FAXC: variants seen among roughly 807,000 people sequenced by gnomAD.
FAXC encodes the protein failed axon connections homolog.
A neutral mutation model predicts 41.9 loss-of-function variants in FAXC; 10 were observed. The ratio of observed to expected loss-of-function variants is 0.24; its 90% CI spans 0.15 to 0.41. The LOEUF (loss-of-function observed/expected upper bound fraction) is 0.41, where lower values mean the gene tolerates loss of function less well. Among genes scored for constraint, FAXC ranks in the 10% least tolerant of loss-of-function variants. The pLI, the probability that FAXC is intolerant of heterozygous loss-of-function variation, is 1.00. For synonymous variants in FAXC, 183 were observed against 183.8 expected (o/e 1.00, Z 0.03); for missense variants, 399 against 510.9 (o/e 0.78, Z 2.11).
chr6:99,293,522 A>C (rs1485507174), intron 4 of FAXC, among the ~76,000 whole-genome samples: 1 of 152,218 alleles, frequency 6.6e-6, no homozygotes, highest in Non-Finnish European at 1.5e-5. Context: ...TAGGACTTTA[A>C]GGCATTTAAT....
At chr6:99,344,979 A>T (rs1773543392) in intron 1 of FAXC, among the ~76,000 whole-genome samples, 1 of 152,188 alleles carries the variant, frequency 6.6e-6, no homozygotes, top group South Asian at 2.1e-4. Context: ...TTTAATTCTG[A>T]CAATGACACT....
Position 99,273,863 on chromosome 6 carries a change from A to G in FAXC, c.*7301T>C, listed in dbSNP as rs1313009719. On this transcript the variant is annotated 3_prime_UTR_variant, in exon 6 of 6. Coordinates refer to ENST00000389677, the MANE Select transcript of FAXC (RefSeq NM_032511.4). ...TGTTTACATCAGTAAAACAGTATATACATATATAGCAGTGTATACATATAT... is the reference window on the plus strand; with the variant it reads ...TGTTTACATCAGTAAAACAGTATATGCATATATAGCAGTGTATACATATAT... 3 of 152,280 alleles carry G rather than the reference A, an allele frequency of 2.0e-5. No individual in the cohort carries two copies. Among genetic ancestry groups the G allele is most frequent in the South Asian group, 4.1e-4 (2 of 4,824 alleles). 9.4% of individuals were successfully genotyped at this position (152,280 alleles called of 1,614,324 possible).
chr6:99,349,003 G>A, intron 1 of FAXC, 104 bp downstream of exon 1: 2 of 1,143,390 alleles, frequency 1.7e-6, no homozygotes, highest in Non-Finnish European at 2.5e-6. Context: ...TTGGGCATCT[G>A]GGCAGCTTGA....
At chr6:99,281,577 G>T in intron 5 of FAXC, 124 bp from the exon 6 acceptor site, 2 of 798,674 alleles carry the variant, frequency 2.5e-6, no homozygotes, top group Non-Finnish European at 4.1e-6. Context: ...GTCTAAGGAG[G>T]TGGGGCCTTT....
intron 2 of FAXC, among the ~76,000 whole-genome samples, chr6:99,337,467 AG>A (rs1245264637): frequency 3.3e-5 from 5 of 152,226 alleles, no homozygotes; most frequent in Non-Finnish European, 7.3e-5. Context: ...AAGAAATGTA[AG>A]GAAGAAAAGC....
rs765293537 is a variant in FAXC at position 99,326,022 on chromosome 6, G to C, written c.600-2355C>G. On this transcript the variant is annotated intron_variant, in intron 3 of 5. Coordinates refer to ENST00000389677, the MANE Select transcript of FAXC (RefSeq NM_032511.4). ...TGCCTGACGAACTGCAAGAACTTCT[G>C]TAAGGGGCACGTGGGTACAGGCTGC... Among the ~76,000 whole-genome samples the C allele has an allele frequency of 7.2e-5, 11 of 152,366 alleles. 1 individual carries two copies. In the Middle Eastern group the frequency reaches 0.027, roughly 377 times the overall value.
chr6:99,326,734 A>T (rs944883958), intron 3 of FAXC, among the ~76,000 whole-genome samples: 1 of 152,190 alleles, frequency 6.6e-6, no homozygotes, highest in Admixed American at 6.5e-5. Flanking sequence ...GGCAGCTTGG[A>T]GAGAAGTAGG....
At chr6:99,335,886 G>A (rs759433958) in intron 2 of FAXC, among the ~76,000 whole-genome samples, 15 of 151,916 alleles carry the variant, frequency 9.9e-5, no homozygotes, top group Non-Finnish European at 1.9e-4. Context: ...TGATTGCTAG[G>A]TAAAAAGCAA....
chr6:99,281,485 T>A, intron 5 of FAXC, 32 bp from the exon 6 acceptor site: 1 of 1,537,414 alleles, frequency 6.5e-7, no homozygotes, highest in Non-Finnish European at 8.9e-7. Flanking sequence ...AAGGATTAGT[T>A]CTCAAAGGCA....
chr6:99,324,242 T>C (rs1326972813), intron 3 of FAXC, among the ~76,000 whole-genome samples: 1 of 152,068 alleles, frequency 6.6e-6, no homozygotes, highest in East Asian at 1.9e-4. Context: ...TTTCCCTTTT[T>C]AAAAAAAGAT....
At position 99,274,891 on chromosome 6, in the gene FAXC, T is replaced by C. The variant is rs1024252817; in HGVS notation, c.*6273A>G. On this transcript the variant is annotated 3_prime_UTR_variant, in exon 6 of 6. Transcript: ENST00000389677. The stretch of plus-strand genomic sequence containing the variant: ...TCTGAACAATGGAAGAGGAAAGTCA[T>C]TGATTATTTTTTAAAGAGGAGGAAG... 3.3e-5 allele frequency: 5 copies of C among 152,164 alleles called. No homozygotes were observed. Among genetic ancestry groups the C allele is most frequent in the East Asian group, 1.9e-4 (1 of 5,198 alleles). The allele number at this position is 152,164 out of a possible 1,614,324, so 9.4% of individuals were successfully genotyped here.
In FAXC at chr6:99,280,671, T is replaced by A. The variant is rs1770793690; in HGVS notation, c.*493A>T. On this transcript the variant is annotated 3_prime_UTR_variant, in exon 6 of 6. Coordinates refer to ENST00000389677, the MANE Select transcript of FAXC (RefSeq NM_032511.4). Reference sequence around the variant, plus strand: ...GCACATAGTAGGTGTTCGTTTAATATCTGTGGATTTTATTTGACTTATGTC... The same window carrying A: ...GCACATAGTAGGTGTTCGTTTAATAACTGTGGATTTTATTTGACTTATGTC... 1 of 165,818 alleles carries A rather than the reference T, an allele frequency of 6.0e-6. No homozygotes were observed. The highest frequency in any genetic ancestry group is 2.4e-5 in the African/African-American group (1 of 41,588). 10.3% of individuals were successfully genotyped at this position (165,818 alleles called of 1,614,324 possible). A position where few individuals can be genotyped will look rare whatever the true frequency, so the allele number is the denominator to read the frequency against.
intron 1 of FAXC, among the ~76,000 whole-genome samples, chr6:99,346,329 G>A (rs1773592315): frequency 1.3e-5 from 2 of 152,084 alleles, no homozygotes; most frequent in Non-Finnish European, 2.9e-5. Context: ...TCTTCCCTGA[G>A]CAATGCTTCA....
In FAXC at chr6:99,281,088, A is replaced by G. The variant is rs148553491; in HGVS notation, c.*76T>C. On this transcript the variant is annotated 3_prime_UTR_variant, in exon 6 of 6. Transcript: ENST00000389677. ...GCACGAAGATCTCCTCCCAGCTCGG[A>G]TGGATTGCTACCTGGGAAAATGGAC... 596 of 752,116 alleles carry G rather than the reference A, an allele frequency of 7.9e-4. 2 individuals are homozygous for G. In the African/African-American group the frequency reaches 9.5e-3, roughly 12 times the overall value. 46.6% of individuals were successfully genotyped at this position (752,116 alleles called of 1,614,324 possible).
Position 99,281,225 on chromosome 6 carries a change from T to C in FAXC, c.1169A>G (p.His390Arg). 6.2e-7 allele frequency: 1 copy of C among 1,605,550 alleles called. No homozygotes were observed. Among genetic ancestry groups the C allele is most frequent in the Non-Finnish European group, 8.5e-7 (1 of 1,172,226 alleles). The change falls in exon 6 of 6, where the codon CAC (histidine) becomes CGC (arginine). Residue 390 changes from histidine to arginine, a missense_variant. By Grantham distance (29) the His-to-Arg change is conservative (BLOSUM62 0). Coordinates refer to ENST00000389677, the MANE Select transcript of FAXC (RefSeq NM_032511.4). ...GTCCACATCCGAATCAAAGAGTGAG[T>C]GTCCAGTAAAATCTGTGTCTGGGGT... ...SRTPDTDFTG[H>R]SLFDSDVDMD...
intron 1 of FAXC, 89 bp downstream of exon 1, chr6:99,349,018 G>A (rs914554128): frequency 7.6e-7 from 1 of 1,311,064 alleles, no homozygotes; most frequent in Admixed American, 2.1e-5. Context: ...GCTTGACCGA[G>A]GGGCTGGCAC....
rs1344983166 is a variant in FAXC at position 99,273,301 on chromosome 6, C to G, written c.*7863G>C. 2.6e-5 allele frequency: 4 copies of G among 151,924 alleles called. No homozygotes were observed. The South Asian group carries it at 8.3e-4, about 32-fold the overall frequency. The allele number at this position is 151,924 out of a possible 1,614,324, so 9.4% of individuals were successfully genotyped here. On this transcript the variant is annotated 3_prime_UTR_variant, in exon 6 of 6. Coordinates refer to ENST00000389677, the MANE Select transcript of FAXC (RefSeq NM_032511.4). ...GATACCTAAAAATAAGTCTGCACAT[C>G]TTCCACACATTTGAAGACACAAGAT...
intron 3 of FAXC, among the ~76,000 whole-genome samples, chr6:99,326,787 G>C (rs1772822108): frequency 6.6e-6 from 1 of 152,198 alleles, no homozygotes; most frequent in South Asian, 2.1e-4. Flanking sequence ...TGTTGTAAGG[G>C]GTGAGGGGCT....
At chr6:99,325,014 G>A (rs151195884) in intron 3 of FAXC, among the ~76,000 whole-genome samples, 41 of 152,074 alleles carry the variant, frequency 2.7e-4, no homozygotes, top group African/African-American at 9.9e-4. Context: ...TGGGACCACT[G>A]TATCAATCAA....
Sources: allele counts gnomAD v4.1 joint callset (sites outside exome capture counted in the v4.1 genomes callset), GRCh38; gene constraint gnomAD v4.1.1; transcripts MANE v1.5; gene names NCBI Gene and HGNC (gene_info 2026-07-23, HGNC 2026-07-21).